The following PPM1B variants were observed in gnomAD, a reference collection of about 807,000 sequenced individuals.
PPM1B encodes the protein protein phosphatase, Mg2+/Mn2+ dependent 1B.
Under a neutral mutation model 43.0 loss-of-function variants are expected in PPM1B, and 22 were observed. The ratio of observed to expected loss-of-function variants is 0.51; its 90% CI spans 0.37 to 0.73. The LOEUF is 0.73. PPM1B is among the 30% of genes least tolerant of loss of function. The probability of loss-of-function intolerance (pLI) is 0.00; values close to 1 mark genes in which losing one functional copy is unlikely to be tolerated. For missense variants in PPM1B, 632 were observed against 584.2 expected (o/e 1.08, Z -0.84); for synonymous variants, 217 against 197.9 (o/e 1.10, Z -0.81).
intron 2 of PPM1B, among the ~76,000 whole-genome samples, chr2:44,205,042 G>C (rs1390260227): frequency 6.6e-6 from 1 of 152,050 alleles, no homozygotes; most frequent in Non-Finnish European, 1.5e-5. Flanking sequence ...GGCATTTATG[G>C]TGTTTACTGC....
At chr2:44,186,764 A>G (rs1007873054) in intron 1 of PPM1B, among the ~76,000 whole-genome samples, 5 of 152,152 alleles carry the variant, frequency 3.3e-5, no homozygotes, top group Admixed American at 2.6e-4. Flanking sequence ...TGTCAAAGGA[A>G]TTTTCTGTGG....
At chr2:44,198,489 A>G (rs1044928161) in intron 1 of PPM1B, among the ~76,000 whole-genome samples, 3 of 152,190 alleles carry the variant, frequency 2.0e-5, no homozygotes, top group African/African-American at 7.2e-5. Context: ...GGTTTCCCTG[A>G]TAATTGTTTG....
chr2:44,178,371 A>G (rs1264991977), intron 1 of PPM1B, among the ~76,000 whole-genome samples: 2 of 151,198 alleles, frequency 1.3e-5, no homozygotes, highest in Admixed American at 1.3e-4. Flanking sequence ...CTTATCTTAT[A>G]GCCCTAACTA....
At chr2:44,181,365 T>C (rs1175564965) in intron 1 of PPM1B, among the ~76,000 whole-genome samples, 3 of 152,164 alleles carry the variant, frequency 2.0e-5, no homozygotes, top group Non-Finnish European at 4.4e-5. Flanking sequence ...AGCCTAGGCA[T>C]GACAAATTAG....
At chr2:44,218,138 G>A (rs971020157) in intron 4 of PPM1B, 60 bp downstream of exon 4, 3 of 1,312,518 alleles carry the variant, frequency 2.3e-6, no homozygotes, top group Non-Finnish European at 1.1e-6. Flanking sequence ...AATAATTTGG[G>A]GTAAAAAAAC....
intron 1 of PPM1B, among the ~76,000 whole-genome samples, chr2:44,192,186 T>TTATGGTATGG (rs1553329822): frequency 2.0e-5 from 1 of 48,796 alleles, no homozygotes; most frequent in Non-Finnish European, 4.3e-5. Flanking sequence ...TTATGTTATG[T>TTATGGTATGG]TATGGTATTG....
At position 44,170,077 on chromosome 2, in the gene PPM1B, A is replaced by G. The variant is rs373281321; in HGVS notation, c.-15+803A>G. ...AAATAATTTTTTAAATGAAGGACTC[A>G]GTGAGTGTTGGAAATAGTTATTTCT... On this transcript the variant is annotated intron_variant, in intron 1 of 5. Coordinates refer to ENST00000282412, the MANE Select transcript of PPM1B (RefSeq NM_002706.6). Among the ~76,000 whole-genome samples the G allele has an allele frequency of 5.8e-4, 89 of 152,358 alleles. 1 individual carries two copies. In the South Asian group the frequency reaches 0.018, roughly 31 times the overall value.
At chr2:44,178,804 A>T (rs1475832848) in intron 1 of PPM1B, among the ~76,000 whole-genome samples, 1 of 152,178 alleles carries the variant, frequency 6.6e-6, no homozygotes, top group African/African-American at 2.4e-5. Context: ...GTGCTGTCCT[A>T]TATAAATGTA....
At chr2:44,215,569 A>G (rs1210862101) in intron 3 of PPM1B, among the ~76,000 whole-genome samples, 1 of 152,212 alleles carries the variant, frequency 6.6e-6, no homozygotes, top group Non-Finnish European at 1.5e-5. Flanking sequence ...TGTGGTAAAT[A>G]CATTCTGGTG....
At chr2:44,220,817 A>G (rs1669946447) in intron 5 of PPM1B, among the ~76,000 whole-genome samples, 1 of 152,254 alleles carries the variant, frequency 6.6e-6, no homozygotes, top group Non-Finnish European at 1.5e-5. Flanking sequence ...TCTTAGAGAA[A>G]AGATAGTATT....
chr2:44,179,780 G>T (rs1030120292), intron 1 of PPM1B, among the ~76,000 whole-genome samples: 1 of 152,016 alleles, frequency 6.6e-6, no homozygotes, highest in African/African-American at 2.4e-5. Context: ...AGGCCGAGGC[G>T]GGTGGATCAC....
chr2:44,200,742 C>G (rs967195414), intron 1 of PPM1B, among the ~76,000 whole-genome samples: 1 of 152,136 alleles, frequency 6.6e-6, no homozygotes, highest in Non-Finnish European at 1.5e-5. Context: ...ATTTATTGAA[C>G]AAGATGACTC....
chr2:44,185,938 A>G (rs1668097311), intron 1 of PPM1B, among the ~76,000 whole-genome samples: 1 of 152,162 alleles, frequency 6.6e-6, no homozygotes, highest in African/African-American at 2.4e-5. Context: ...AGAGGGGAGG[A>G]CTTAAATAAT....
chr2:44,219,343 G>A (rs1669868459), intron 5 of PPM1B: 1 of 151,896 alleles, frequency 6.6e-6, no homozygotes, highest in South Asian at 2.1e-4. Context: ...AAACTGATTG[G>A]GAGGAAGAGT....
chr2:44,169,194 G>A lies in PPM1B; in HGVS notation c.-95G>A. On this transcript the variant is annotated 5_prime_UTR_variant, in exon 1 of 6. Coordinates refer to ENST00000282412, the MANE Select transcript of PPM1B (RefSeq NM_002706.6). ...GAAGCGGCGGCTGAGTCAGGGTCGC[G>A]CCTCCGTTGGAAACTTGGGCTGAGT... is the stretch of plus-strand genomic sequence containing the variant. 1 of 160,352 alleles carries A rather than the reference G, an allele frequency of 6.2e-6. No homozygotes were observed. Among genetic ancestry groups the A allele is most frequent in the South Asian group, 1.3e-4 (1 of 7,536 alleles). 9.9% of individuals were successfully genotyped at this position (160,352 alleles called of 1,614,324 possible).
intron 1 of PPM1B, among the ~76,000 whole-genome samples, chr2:44,172,007 A>G (rs550846552): frequency 1.3e-5 from 2 of 152,340 alleles, no homozygotes; most frequent in African/African-American, 4.8e-5. Context: ...GCCTTTCACA[A>G]TTCACTGATT....
chr2:44,172,295 A>T (rs1667383713), intron 1 of PPM1B, among the ~76,000 whole-genome samples: 1 of 152,216 alleles, frequency 6.6e-6, no homozygotes, highest in Non-Finnish European at 1.5e-5. Flanking sequence ...TTATTGTAAA[A>T]TGTATCGTAT....
chr2:44,206,505 A>G (rs1429231268), intron 2 of PPM1B, among the ~76,000 whole-genome samples: 3 of 152,212 alleles, frequency 2.0e-5, no homozygotes, highest in Non-Finnish European at 4.4e-5. Context: ...GGAGAACCAT[A>G]AATTTATTGG....
At chr2:44,222,032 G>C (rs1325333649) in intron 5 of PPM1B, among the ~76,000 whole-genome samples, 1 of 151,924 alleles carries the variant, frequency 6.6e-6, no homozygotes, top group Non-Finnish European at 1.5e-5. Flanking sequence ...TCTTAGTCTA[G>C]GGATTCACGA....
Sources: gnomAD v4.1 joint callset for allele counts (sites outside exome capture counted in the v4.1 genomes callset) on GRCh38, gnomAD v4.1.1 for gene constraint, MANE v1.5 for transcripts, NCBI Gene and HGNC (gene_info 2026-07-23, HGNC 2026-07-21) for gene names.